DNMBP: variants seen among roughly 807,000 people sequenced by gnomAD.
DNMBP encodes the protein dynamin binding protein.
In DNMBP, 87 loss-of-function variants were observed where a neutral mutation model predicts 150.0. The observed-to-expected ratio is 0.58, with a 90% CI of 0.49 to 0.69. The LOEUF (loss-of-function observed/expected upper bound fraction) is 0.69. Among genes scored for constraint, DNMBP ranks in the 30% least tolerant of loss-of-function variants. The pLI is 0.00. For synonymous variants in DNMBP, 711 were observed against 750.4 expected (o/e 0.95, Z 0.86); for missense variants, 1,774 against 1,949.0 (o/e 0.91, Z 1.69).
chr10:99,927,262 T>C (rs2040090775), intron 4 of DNMBP: 1 of 152,076 alleles, frequency 6.6e-6, no homozygotes, highest in Non-Finnish European at 1.5e-5. Context: ...GCAGGGACTA[T>C]CAATCTGGAA....
At chr10:99,955,144 GC>G in intron 4 of DNMBP, 69 bp downstream of exon 4, 4 of 1,380,290 alleles carry the variant, frequency 2.9e-6, no homozygotes, top group Non-Finnish European at 4.0e-6. Flanking sequence ...TCCCTAAAAA[GC>G]CTGGGTAGGC....
chr10:99,915,608 C>T (rs182578548), intron 4 of DNMBP, among the ~76,000 whole-genome samples: 189 of 152,022 alleles, frequency 1.2e-3, no homozygotes, highest in African/African-American at 4.3e-3. Flanking sequence ...CCAGCTACTC[C>T]GAAGGCTGAA....
chr10:99,993,226 C>CT (rs2040916060), intron 1 of DNMBP, among the ~76,000 whole-genome samples: 3 of 152,030 alleles, frequency 2.0e-5, no homozygotes, highest in African/African-American at 7.2e-5. Context: ...CTCCCAAAAC[C>CT]TTTTTCATAG....
At chr10:99,992,526 GTTTTTT>G (rs1164839351) in intron 1 of DNMBP, among the ~76,000 whole-genome samples, 2 of 129,606 alleles carry the variant, frequency 1.5e-5, no homozygotes, top group African/African-American at 5.9e-5. Flanking sequence ...GAATCTAGGA[GTTTTTT>G]TTTTTTTTTT....
intron 2 of DNMBP, 106 bp downstream of exon 2, chr10:99,971,871 TTTA>T: frequency 1.0e-6 from 1 of 978,888 alleles, no homozygotes; most frequent in Non-Finnish European, 1.5e-6. Flanking sequence ...TTTTTTTTTT[TTTA>T]AGACAGGGTC....
At chr10:100,000,880 A>AC (rs2041001526) in intron 1 of DNMBP, among the ~76,000 whole-genome samples, 1 of 141,682 alleles carries the variant, frequency 7.1e-6, no homozygotes, top group Admixed American at 7.1e-5. Context: ...AAAAAAAAAA[A>AC]AAAAAAACCC....
chr10:99,896,052 G>C (rs1203704185), intron 10 of DNMBP, among the ~76,000 whole-genome samples: 1 of 152,158 alleles, frequency 6.6e-6, no homozygotes, highest in Non-Finnish European at 1.5e-5. Flanking sequence ...GCTCCTTAGA[G>C]GTGGTGAAAA....
In DNMBP at chr10:99,896,349, G is replaced by C; in HGVS notation, c.2969C>G (p.Ser990Cys). 6.2e-7 allele frequency: 1 copy of C among 1,614,130 alleles called. No individual in the cohort carries two copies. Among genetic ancestry groups the C allele is most frequent in the Non-Finnish European group, 8.5e-7 (1 of 1,180,000 alleles). Residue 990 changes from serine to cysteine, a missense_variant, in exon 10 of 17, where the codon TCC becomes TGC. Transcript: ENST00000324109. ...GATGATGGAGTGGATGTTCAGTTTG[G>C]AAATTTTCTCCATAAGGCTATCTTC... ...GDEDSLMEKISKLNIHSIIKK... is the reference protein window; with the variant it reads ...GDEDSLMEKICKLNIHSIIKK...
At chr10:99,888,052 A>G (rs1052329420) in intron 12 of DNMBP, among the ~76,000 whole-genome samples, 27 of 151,988 alleles carry the variant, frequency 1.8e-4, no homozygotes, top group East Asian at 1.9e-4. Flanking sequence ...TCAACTCCCA[A>G]CCTCAGGTGA....
Position 99,896,303 on chromosome 10 carries a change from G to A in DNMBP, c.3015C>T (p.Ser1005=). 14 of 1,614,178 alleles carry A rather than the reference G, an allele frequency of 8.7e-6. No homozygotes were observed. The highest frequency in any genetic ancestry group is 1.2e-5 in the Non-Finnish European group (14 of 1,180,016). Residue 1005 remains serine (S), a synonymous_variant, in exon 10 of 17, where the codon AGC becomes AGT. Coordinates refer to ENST00000324109, the MANE Select transcript of DNMBP (RefSeq NM_015221.4). ...HSIIKKSNRV[S]SHLKHLTGFA... is the part of the protein sequence containing the mutation. ...AGCCAGTGAGATGCTTCAGGTGACT[G>A]CTAACTCGGTTGGATTTCTTGATGA...
At chr10:99,932,413 C>T (rs895414289) in intron 4 of DNMBP, among the ~76,000 whole-genome samples, 12 of 152,106 alleles carry the variant, frequency 7.9e-5, no homozygotes, top group Admixed American at 7.2e-4. Context: ...ACAAATTGAC[C>T]AGTGGTATTC....
chr10:99,963,447 T>C (rs2040585116), intron 3 of DNMBP, among the ~76,000 whole-genome samples: 1 of 152,166 alleles, frequency 6.6e-6, no homozygotes, highest in Admixed American at 6.6e-5. Flanking sequence ...TACAAGCTAT[T>C]CCCCTGGGGT....
At chr10:99,883,850 C>G (rs1404280297) in intron 15 of DNMBP, among the ~76,000 whole-genome samples, 161 bp downstream of exon 15, 1 of 152,038 alleles carries the variant, frequency 6.6e-6, no homozygotes, top group East Asian at 1.9e-4. Flanking sequence ...CAGTAATGAT[C>G]TTCACTCTCT....
chr10:99,946,729 C>A (rs1282685603), intron 4 of DNMBP, among the ~76,000 whole-genome samples: 2 of 152,116 alleles, frequency 1.3e-5, no homozygotes, highest in Admixed American at 6.6e-5. Context: ...AAACTGACAA[C>A]TGGAACCCAA....
intron 1 of DNMBP, among the ~76,000 whole-genome samples, chr10:99,973,536 CATT>C: frequency 6.6e-6 from 1 of 152,292 alleles, no homozygotes; most frequent in East Asian, 1.9e-4. Context: ...AGTTAGAAAA[CATT>C]ATTTGTCCAA....
intron 3 of DNMBP, among the ~76,000 whole-genome samples, chr10:99,965,810 A>G (rs1327460704): frequency 6.6e-6 from 1 of 152,108 alleles, no homozygotes; most frequent in Non-Finnish European, 1.5e-5. Flanking sequence ...CATACTCTTA[A>G]GGTTTCCAAA....
chr10:99,954,204 T>G (rs2040456410), intron 4 of DNMBP, among the ~76,000 whole-genome samples: 1 of 151,850 alleles, frequency 6.6e-6, no homozygotes, highest in Admixed American at 6.6e-5. Context: ...GGCTAATTAT[T>G]TTTTGTATTT....
intron 6 of DNMBP, among the ~76,000 whole-genome samples, chr10:99,903,733 G>A (rs943483325): frequency 6.6e-6 from 1 of 152,110 alleles, no homozygotes; most frequent in African/African-American, 2.4e-5. Context: ...TTCCCTAGTT[G>A]CATTCTTAGA....
chr10:99,986,937 G>A (rs568001767), intron 1 of DNMBP, among the ~76,000 whole-genome samples: 272 of 151,972 alleles, frequency 1.8e-3, no homozygotes, highest in African/African-American at 6.4e-3. Context: ...GGCGGATCAC[G>A]AGGTCAGGAG....
Sources: gnomAD v4.1 joint callset for allele counts (sites outside exome capture counted in the v4.1 genomes callset) on GRCh38, gnomAD v4.1.1 for gene constraint, MANE v1.5 for transcripts, NCBI Gene and HGNC (gene_info 2026-07-23, HGNC 2026-07-21) for gene names.